Variants in MUC5B observed in about 807,000 individuals in gnomAD.
MUC5B encodes mucin-5B.
A neutral mutation model predicts 376.9 loss-of-function variants in MUC5B; 116 were observed. The ratio of observed to expected loss-of-function variants is 0.31; its 90% CI spans 0.26 to 0.36. The LOEUF is 0.36. Among genes scored for constraint, MUC5B ranks in the 10% least tolerant of loss-of-function variants. The pLI is 1.00. For missense variants in MUC5B, 7,165 were observed against 7,769.9 expected, an observed-to-expected ratio of 0.92 and a Z score of 2.93; for synonymous variants, 3,517 against 3,390.9, an observed-to-expected ratio of 1.04 and a Z score of -1.29.
Position 1,260,689 on chromosome 11 carries a change from A to G in MUC5B, c.17030A>G (p.Asn5677Ser). 2 of 1,612,514 alleles carry G rather than the reference A, an allele frequency of 1.2e-6. 1 individual carries two copies. Among genetic ancestry groups the G allele is most frequent in the South Asian group, 2.2e-5 (2 of 91,018 alleles). The stretch of plus-strand genomic sequence containing the variant: ...CACCAGGGCTGCGAGACCGAGGTCA[A>G]CATCACCTTCTGCGAGGGCTCCTGC... ...LWHQGCETEV[N>S]ITFCEGSCPG... is the part of the protein sequence containing the mutation. Residue 5677 changes from asparagine (N) to serine (S), a missense_variant, in exon 48 of 49, where the codon AAC (asparagine) becomes AGC (serine). By Grantham distance (46) the Asn-to-Ser change is conservative. This residue lies in a region of MUC5B where 842 missense variants were observed against 1,016.9 expected (regional missense o/e 0.83). Transcript: ENST00000529681.
In MUC5B at chr11:1,243,651, T is replaced by G. The variant is rs765445834; in HGVS notation, c.6771T>G (p.Pro2257=). 3.1e-6 allele frequency: 5 copies of G among 1,608,752 alleles called. No homozygotes were observed. The highest frequency in any genetic ancestry group is 3.4e-6 in the Non-Finnish European group (4 of 1,178,864). ...HSTPALSSPH[P]SSRTTESPPS... ...CTCCAGCCCTTTCCAGCCCTCACCC[T>G]AGCAGCAGAACCACCGAGTCACCCC... is the stretch of plus-strand genomic sequence containing the variant. The change falls in exon 31 of 49, where the codon CCT becomes CCG. Residue 2257 remains proline, a synonymous_variant. Coordinates refer to ENST00000529681, the MANE Select transcript of MUC5B (RefSeq NM_002458.3).
chr11:1,248,104 T>C lies in MUC5B; in HGVS notation c.11224T>C (p.Ser3742Pro), dbSNP rs553361498. The C allele has an allele frequency of 1.9e-6, 3 of 1,593,966 alleles. No homozygotes were observed. Among genetic ancestry groups the C allele is most frequent in the Admixed American group, 1.7e-5 (1 of 58,728 alleles). The change falls in exon 31 of 49, where the codon TCC becomes CCC. Residue 3742 changes from serine (S) to proline (P), a missense_variant. This residue lies in a region of MUC5B where 72 missense variants were observed against 127.8 expected (regional missense o/e 0.56). Transcript: ENST00000529681. ...TVPTGSTATA[S>P]STQATAGTPH... ...GCCCACCGGATCCACGGCCACCGCC[T>C]CCTCCACCCAGGCAACTGCTGGCAC...
At position 1,225,850 on chromosome 11, in the gene MUC5B, C is replaced by T. The variant is rs1445311654; in HGVS notation, c.127+113C>T. On this transcript the variant is annotated intron_variant, in intron 2 of 48. Transcript: ENST00000529681. ...CAGCCATGCGTCTGACAGAGACCCT[C>T]CCTGGGTCCCCTGCCCAGGACAATA... The T allele has an allele frequency of 5.0e-6, 5 of 997,524 alleles. No homozygotes were observed. The East Asian group carries it at 1.3e-4, about 26-fold the overall frequency. 61.8% of individuals were successfully genotyped at this position (997,524 alleles called of 1,614,324 possible). A position where few individuals can be genotyped will look rare whatever the true frequency, so the allele number is the denominator to read the frequency against.
Position 1,262,076 on chromosome 11 carries a change from T to C in MUC5B, c.*468T>C, listed in dbSNP as rs1863011993. 1.9e-6 allele frequency: 1 copy of C among 530,322 alleles called. No individual in the cohort carries two copies. The highest frequency in any genetic ancestry group is 1.4e-5 in the South Asian group (1 of 71,484). 32.9% of individuals were successfully genotyped at this position (530,322 alleles called of 1,614,324 possible). On this transcript the variant is annotated 3_prime_UTR_variant, in exon 49 of 49. Transcript: ENST00000529681. ...TGCCTGCTGCAGGGTAACTCAGGGC[T>C]GAGGTCGCAACGGCCAGGTCAGAGA... is the stretch of plus-strand genomic sequence containing the variant.
At position 1,230,472 on chromosome 11, in the gene MUC5B, G is replaced by T; in HGVS notation, c.1360-18G>T. On this transcript the variant is annotated intron_variant, in intron 11 of 48. Coordinates refer to ENST00000529681, the MANE Select transcript of MUC5B (RefSeq NM_002458.3). Reference sequence around the variant, plus strand: ...TCATCGAGCCAGGCCCAATGCACGCGTGGGTCCTTCTCCCCAGAAATGTGC... The same window carrying T: ...TCATCGAGCCAGGCCCAATGCACGCTTGGGTCCTTCTCCCCAGAAATGTGC... The T allele has an allele frequency of 6.3e-7, 1 of 1,584,522 alleles. No individual in the cohort carries two copies. Among genetic ancestry groups the T allele is most frequent in the Non-Finnish European group, 8.6e-7 (1 of 1,163,632 alleles).
At chr11:1,233,574 C>T (rs944521815) in intron 18 of MUC5B, among the ~76,000 whole-genome samples, 5 of 152,222 alleles carry the variant, frequency 3.3e-5, no homozygotes, top group African/African-American at 9.6e-5. Flanking sequence ...CTCCTAACCC[C>T]AGGGTCCTGG....
chr11:1,223,413 C>T (rs995056047), intron 1 of MUC5B: 1 of 668,658 alleles, frequency 1.5e-6, no homozygotes, highest in African/African-American at 1.8e-5. Flanking sequence ...ATGGGGTGTC[C>T]AGGAGAAGGT....
chr11:1,230,179 C>T, intron 11 of MUC5B, 36 bp downstream of exon 11: 1 of 1,559,734 alleles, frequency 6.4e-7, no homozygotes, highest in Non-Finnish European at 8.7e-7. Context: ...GACACCCAGA[C>T]CCTCCTGGGA....
At position 1,245,944 on chromosome 11, in the gene MUC5B, C is replaced by G. The variant is rs764292695; in HGVS notation, c.9064C>G (p.Pro3022Ala). ...CTCCACCCCGGGAACAGCTCCCCCT[C>G]CCAAAGTGCTGACCAGCACGGCCAC... ...PSSTPGTAPP[P>A]KVLTSTATTP... The change falls in exon 31 of 49, where the codon CCC (proline) becomes GCC (alanine). Residue 3022 changes from proline (P) to alanine (A), a missense_variant. This residue lies in a region of MUC5B where 939 missense variants were observed against 770.6 expected (regional missense o/e 1.22). Coordinates refer to ENST00000529681, the MANE Select transcript of MUC5B (RefSeq NM_002458.3). The G allele has an allele frequency of 6.2e-7, 1 of 1,612,848 alleles. No individual in the cohort carries two copies. The highest frequency in any genetic ancestry group is 1.3e-5 in the African/African-American group (1 of 74,414).
rs371800081 is a variant in MUC5B, at chr11:1,257,847, C to A, written c.16450+137C>A. ...CTGGCGTGACCGCGGCAGGACCACT[C>A]GGCAGAGATGGCCTCCAGGTGCTTC... On this transcript the variant is annotated intron_variant, in intron 41 of 48. Transcript: ENST00000529681. This position sits in a 1 kb window ranked among gnomAD's most constrained non-coding sequence, Gnocchi z 8.9. The A allele has an allele frequency of 1.3e-5, 14 of 1,107,288 alleles. No individual in the cohort carries two copies. The highest frequency in any genetic ancestry group is 1.8e-5 in the Non-Finnish European group (14 of 795,630). 68.6% of individuals were successfully genotyped at this position (1,107,288 alleles called of 1,614,324 possible).
chr11:1,225,698 G>A lies in MUC5B; in HGVS notation c.88G>A (p.Glu30Lys), dbSNP rs551858685. Residue 30 changes from glutamate (E) to lysine (K), a missense_variant, in exon 2 of 49, where the codon GAG becomes AAG. Coordinates refer to ENST00000529681, the MANE Select transcript of MUC5B (RefSeq NM_002458.3). ...TCCCACAGAGACCCAGGGCCCTGTG[G>A]AGCCGAGCTGGGAGAATGCAGGGCA... ...VPQAETQGPV[E>K]PSWENAGHTM... is the part of the protein sequence containing the mutation. The A allele has an allele frequency of 1.9e-6, 3 of 1,605,214 alleles. No individual in the cohort carries two copies. Among genetic ancestry groups the A allele is most frequent in the East Asian group, 4.5e-5 (2 of 44,508 alleles).
At position 1,250,881 on chromosome 11, in the gene MUC5B, C is replaced by G. The variant is rs753879753; in HGVS notation, c.14001C>G (p.Pro4667=). The G allele has an allele frequency of 3.8e-5, 60 of 1,592,148 alleles. No homozygotes were observed. Among genetic ancestry groups the G allele is most frequent in the Non-Finnish European group, 5.0e-5 (59 of 1,169,356 alleles). ...TTVATGSMAT[P]SSSTQTSGTP... ...TGGCCACTGGTTCTATGGCAACACC[C>G]TCCTCTAGCACACAGACCAGTGGTA... The change falls in exon 31 of 49, where the codon CCC becomes CCG. Residue 4667 remains proline (P), a synonymous_variant. Coordinates refer to ENST00000529681, the MANE Select transcript of MUC5B (RefSeq NM_002458.3).
chr11:1,261,926 C>G lies in MUC5B; in HGVS notation c.*318C>G. On this transcript the variant is annotated 3_prime_UTR_variant, in exon 49 of 49. Transcript: ENST00000529681. ...TGTGCGGGCCTATGTGTCCCTGCCA[C>G]GGCCGGAGCGCCCGCGCAGCACGGA... 1.8e-6 allele frequency: 1 copy of G among 568,448 alleles called. No individual in the cohort carries two copies. 35.2% of individuals were successfully genotyped at this position (568,448 alleles called of 1,614,324 possible).
chr11:1,259,922 G>A (rs1862953295), intron 45 of MUC5B, 41 bp from the exon 46 acceptor site: 1 of 1,612,640 alleles, frequency 6.2e-7, no homozygotes. Context: ...TGCACAAGAG[G>A]TAATCCCTAC....
At chr11:1,236,342 G>A (rs1234396145) in intron 23 of MUC5B, 44 bp from the exon 24 acceptor site, 1 of 1,568,740 alleles carries the variant, frequency 6.4e-7, no homozygotes, top group Non-Finnish European at 8.7e-7. Flanking sequence ...CCCCTCCCTG[G>A]GGGCCACAGG....
chr11:1,250,552 A>G lies in MUC5B; in HGVS notation c.13672A>G (p.Thr4558Ala). ...AGCCACACCCTCCTCCACTCCAGAG[A>G]CTGTCCACACCTCCACAGTGCTTAC... Reference protein sequence around the residue: ...STATPSSTPETVHTSTVLTAT... With the variant: ...STATPSSTPEAVHTSTVLTAT... Residue 4558 changes from threonine (T) to alanine (A), a missense_variant, in exon 31 of 49, where the codon ACT becomes GCT. Physicochemically the swap from Thr to Ala is moderately conservative, Grantham distance 58 (BLOSUM62 0). Around this residue, in one of 31 missense-constraint regions of MUC5B, gnomAD observed 730 missense variants for 592.7 expected, o/e 1.23. Transcript: ENST00000529681. 2 of 1,613,140 alleles carry G rather than the reference A, an allele frequency of 1.2e-6. No homozygotes were observed. The highest frequency in any genetic ancestry group is 1.7e-6 in the Non-Finnish European group (2 of 1,179,686).
chr11:1,260,510 C>T lies in MUC5B; in HGVS notation c.16967-116C>T, dbSNP rs185405010. Reference sequence around the variant, plus strand: ...TGGGATGCCCGCGTCCAGACTCCACCCTCGGTCCTGGAGGGCCATGGGAGG... The same window carrying T: ...TGGGATGCCCGCGTCCAGACTCCACTCTCGGTCCTGGAGGGCCATGGGAGG... On this transcript the variant is annotated intron_variant, in intron 47 of 48. Coordinates refer to ENST00000529681, the MANE Select transcript of MUC5B (RefSeq NM_002458.3). 1.6e-5 allele frequency: 24 copies of T among 1,474,016 alleles called. No individual in the cohort carries two copies. The East Asian group carries it at 5.1e-4, about 32-fold the overall frequency. The allele number at this position is 1,474,016 out of a possible 1,614,324, so 91.3% of individuals were successfully genotyped here.
rs374536811 is a variant in MUC5B at position 1,250,670 on chromosome 11, C to T, written c.13790C>T (p.Thr4597Ile). 2 of 1,612,430 alleles carry T rather than the reference C, an allele frequency of 1.2e-6. No individual in the cohort carries two copies. The highest frequency in any genetic ancestry group is 2.2e-5 in the East Asian group (1 of 44,884). The stretch of plus-strand genomic sequence containing the variant: ...CACACTACCAAAGTGCCGACTACCA[C>T]AACCACGGGCTTCACAGCCACCCCC... The part of the protein sequence containing the change: ...TAHTTKVPTT[T>I]TTGFTATPSS... The change falls in exon 31 of 49, where the codon ACA (threonine) becomes ATA (isoleucine). Residue 4597 changes from threonine to isoleucine, a missense_variant. Around this residue, in one of 31 missense-constraint regions of MUC5B, gnomAD observed 730 missense variants for 592.7 expected, o/e 1.23. Coordinates refer to ENST00000529681, the MANE Select transcript of MUC5B (RefSeq NM_002458.3).
At chr11:1,231,374 A>T (rs1490195099) in intron 13 of MUC5B, 49 bp from the exon 14 acceptor site, 1 of 1,562,112 alleles carries the variant, frequency 6.4e-7, no homozygotes, top group Non-Finnish European at 8.7e-7. Flanking sequence ...CAATCTAGCC[A>T]GATCTGTCCC....
Sources: gnomAD v4.1 joint callset for allele counts (sites outside exome capture counted in the v4.1 genomes callset) on GRCh38, gnomAD v4.1.1 for gene constraint, gnomAD v4.1.1 regional missense constraint, Gnocchi (gnomAD v3.1) non-coding constraint, MANE v1.5 for transcripts, NCBI Gene and HGNC (gene_info 2026-07-23, HGNC 2026-07-21) for gene names.